The following DOCK1 variants were observed in gnomAD, a reference collection of about 807,000 sequenced individuals.
DOCK1 encodes dedicator of cytokinesis 1, also known as dedicator of cytokinesis protein 1.
A neutral mutation model predicts 262.7 loss-of-function variants in DOCK1; 138 were observed. The ratio of observed to expected loss-of-function variants is 0.53; its 90% confidence interval spans 0.46 to 0.61. The LOEUF is 0.61. Ranked by LOEUF, DOCK1 falls within the 20% of genes least tolerant of loss-of-function variation. DOCK1 has a pLI of 0.00. For synonymous variants in DOCK1, 866 were observed against 867.4 expected (o/e 1.00, Z 0.03); for missense variants, 1,908 against 2,370.7 (o/e 0.80, Z 4.05).
At chr10:127,262,193 C>G (rs1353518910) in intron 29 of DOCK1, among the ~76,000 whole-genome samples, 1 of 88,438 alleles carries the variant, frequency 1.1e-5, no homozygotes, top group African/African-American at 4.7e-5. Flanking sequence ...TGTGTGTACC[C>G]GTGCTCATCT....
At chr10:126,984,037 C>T (rs1413675686) in intron 4 of DOCK1, among the ~76,000 whole-genome samples, 1 of 152,198 alleles carries the variant, frequency 6.6e-6, no homozygotes, top group African/African-American at 2.4e-5. Flanking sequence ...ATTATGCTGA[C>T]CTACTGCTCA....
intron 27 of DOCK1, among the ~76,000 whole-genome samples, chr10:127,172,493 T>C (rs2054665228): frequency 6.6e-6 from 1 of 152,150 alleles, no homozygotes; most frequent in African/African-American, 2.4e-5. Flanking sequence ...GCTGCAGTCC[T>C]CTCCTATGTT....
chr10:126,966,486 C>CT (rs1172821675), intron 1 of DOCK1, among the ~76,000 whole-genome samples: 2 of 152,030 alleles, frequency 1.3e-5, no homozygotes, highest in Non-Finnish European at 2.9e-5. Flanking sequence ...ATATTGTTGT[C>CT]TATAATGGCA....
chr10:126,986,842 A>G (rs2039432398), intron 4 of DOCK1, among the ~76,000 whole-genome samples: 1 of 152,178 alleles, frequency 6.6e-6, no homozygotes, highest in Non-Finnish European at 1.5e-5. Context: ...CCTGGGAGGC[A>G]GAGATTGCAG....
chr10:127,410,775 G>A lies in DOCK1; in HGVS notation c.4344-65G>A, dbSNP rs980734068. 2.7e-5 allele frequency: 40 copies of A among 1,487,492 alleles called. No individual in the cohort carries two copies. The East Asian group carries it at 3.0e-4, about 11-fold the overall frequency. The allele number at this position is 1,487,492 out of a possible 1,614,324, so 92.1% of individuals were successfully genotyped here. On this transcript the variant is annotated intron_variant, in intron 42 of 51. Coordinates refer to ENST00000623213, the MANE Select transcript of DOCK1 (RefSeq NM_001290223.2). The stretch of plus-strand genomic sequence containing the variant: ...GTGACATGTTCTAAGGCCAGACCCC[G>A]TGTCCAAAAGCAAATTGGCTATTTG...
rs978778446 is a variant in DOCK1 at position 127,439,318 on chromosome 10, T to C, written c.5259+93T>C. 3.1e-6 allele frequency: 4 copies of C among 1,298,904 alleles called. No homozygotes were observed. In the African/African-American group the frequency reaches 6.0e-5, roughly 20 times the overall value. The allele number at this position is 1,298,904 out of a possible 1,614,324, so 80.5% of individuals were successfully genotyped here. ...GCCAACAGGGCTGACGGTGGGCTCT[T>C]ATTGAACTTGTTATAAATTAGCAAC... is the stretch of plus-strand genomic sequence containing the variant. On this transcript the variant is annotated intron_variant, in intron 49 of 51. Coordinates refer to ENST00000623213, the MANE Select transcript of DOCK1 (RefSeq NM_001290223.2).
chr10:127,287,031 C>T (rs979880119), intron 29 of DOCK1, among the ~76,000 whole-genome samples: 2 of 151,818 alleles, frequency 1.3e-5, no homozygotes, highest in African/African-American at 4.8e-5. Context: ...CCTCAGCCTC[C>T]TGAGTGGCTG....
chr10:127,261,928 G>A (rs1463707223), intron 29 of DOCK1, among the ~76,000 whole-genome samples: 5 of 147,170 alleles, frequency 3.4e-5, no homozygotes, highest in South Asian at 4.4e-4. Flanking sequence ...GTGCTCATCT[G>A]TGTGCATGTG....
chr10:127,260,287 T>G (rs922546057), intron 29 of DOCK1, among the ~76,000 whole-genome samples: 1 of 152,206 alleles, frequency 6.6e-6, no homozygotes, highest in Non-Finnish European at 1.5e-5. Context: ...GAAGCCACAG[T>G]GCTCAGTGTC....
chr10:127,029,548 A>T (rs1392218213), intron 16 of DOCK1, among the ~76,000 whole-genome samples: 1 of 152,194 alleles, frequency 6.6e-6, no homozygotes, highest in Non-Finnish European at 1.5e-5. Context: ...CCAGGAGCTG[A>T]GTTTTCCTTG....
At position 127,347,834 on chromosome 10, in the gene DOCK1, C is replaced by CTTCCCTTCCCTTCCA. The variant is rs1565012188; in HGVS notation, c.3224+4102_3224+4103insATTCCCTTCCCTTCC. 5.3e-4 allele frequency among the ~76,000 whole-genome samples: 15 copies of CTTCCCTTCCCTTCCA among 28,194 alleles called. 3 individuals carry two copies. The highest frequency in any genetic ancestry group is 2.6e-3 in the African/African-American group (15 of 5,766). 18.5% of individuals were successfully genotyped at this position (28,194 alleles called of 152,430 possible). On this transcript the variant is annotated intron_variant, in intron 31 of 51. Coordinates refer to ENST00000623213, the MANE Select transcript of DOCK1 (RefSeq NM_001290223.2). ...GAGGGAGCATCCCCAACCCCTCAGCCTTCCCTTCCCTTCCCTTCCCTTCCC... is the reference window on the plus strand; with the variant it reads ...GAGGGAGCATCCCCAACCCCTCAGCCTTCCCTTCCCTTCCATTCCCTTCCCTTCCCTTCCCTTCCC...
At chr10:127,346,169 T>C (rs1378220204) in intron 31 of DOCK1, among the ~76,000 whole-genome samples, 1 of 152,144 alleles carries the variant, frequency 6.6e-6, no homozygotes, top group East Asian at 1.9e-4. Context: ...GAATTTAAAC[T>C]GGAAATCTGC....
At chr10:127,140,084 G>A (rs1259862968) in intron 27 of DOCK1, among the ~76,000 whole-genome samples, 4 of 152,226 alleles carry the variant, frequency 2.6e-5, no homozygotes, top group African/African-American at 4.8e-5. Context: ...GATCGTAACC[G>A]TTTCAACAGC....
intron 21 of DOCK1, among the ~76,000 whole-genome samples, chr10:127,048,634 G>A (rs1377241285): frequency 1.3e-5 from 2 of 152,110 alleles, no homozygotes; most frequent in East Asian, 1.9e-4. Flanking sequence ...CACTAGCCTC[G>A]TGTGGCTATT....
intron 1 of DOCK1, among the ~76,000 whole-genome samples, chr10:126,929,842 G>A (rs942097024): frequency 1.3e-4 from 20 of 152,150 alleles, no homozygotes; most frequent in South Asian, 2.1e-4. Flanking sequence ...GTAGCTAACC[G>A]TTAACAAGAA....
At chr10:127,432,527 G>A (rs1312525914) in intron 47 of DOCK1, among the ~76,000 whole-genome samples, 1 of 152,104 alleles carries the variant, frequency 6.6e-6, no homozygotes, top group Admixed American at 6.5e-5. Flanking sequence ...TGCAGCAGCT[G>A]CAGTCCCAGA....
At chr10:127,415,708 C>G (rs2068112287) in intron 44 of DOCK1, among the ~76,000 whole-genome samples, 1 of 152,148 alleles carries the variant, frequency 6.6e-6, no homozygotes, top group African/African-American at 2.4e-5. Flanking sequence ...CTCCCTGACC[C>G]TTTTTAAAGA....
intron 32 of DOCK1, among the ~76,000 whole-genome samples, chr10:127,361,701 C>T (rs971437999): frequency 4.6e-5 from 7 of 152,168 alleles, no homozygotes; most frequent in Admixed American, 1.3e-4. Context: ...CTGAGACCCC[C>T]GACTCGCAGC....
intron 27 of DOCK1, among the ~76,000 whole-genome samples, chr10:127,221,364 A>G (rs559313093): frequency 1.5e-4 from 23 of 152,280 alleles, no homozygotes; most frequent in Admixed American, 1.3e-3. Flanking sequence ...GTGTGTTGTT[A>G]TGGCAACCCT....
Sources: allele counts gnomAD v4.1 joint callset (sites outside exome capture counted in the v4.1 genomes callset), GRCh38; gene constraint gnomAD v4.1.1; transcripts MANE v1.5; gene names NCBI Gene and HGNC (gene_info 2026-07-23, HGNC 2026-07-21).